Variants in CEP350 observed in about 807,000 individuals in gnomAD.
CEP350 encodes centrosomal protein 350, also known as centrosome-associated protein 350.
In CEP350, 126 loss-of-function variants were observed where a neutral mutation model predicts 331.8. That is an observed-to-expected ratio of 0.38 (90% CI 0.33 to 0.44). The LOEUF (loss-of-function observed/expected upper bound fraction) is 0.44. Among genes scored for constraint, CEP350 ranks in the 20% least tolerant of loss-of-function variants. The pLI is 1.00. For missense variants in CEP350, 3,406 were observed against 3,634.6 expected (o/e 0.94, Z 1.62); for synonymous variants, 1,200 against 1,259.5 (o/e 0.95, Z 1.00).
At chr1:179,989,891 A>T (rs149898978) in intron 3 of CEP350, among the ~76,000 whole-genome samples, 251 of 152,256 alleles carry the variant, frequency 1.6e-3, no homozygotes, top group African/African-American at 5.9e-3. Flanking sequence ...TATGTCACAT[A>T]TAAAGTCAGA....
At chr1:179,969,046 T>G in intron 1 of CEP350, 1 of 739,882 alleles carries the variant, frequency 1.4e-6, no homozygotes, top group South Asian at 1.3e-5. Context: ...CTGAAGCATC[T>G]TAGGTTAACC....
intron 1 of CEP350, among the ~76,000 whole-genome samples, chr1:179,960,627 G>T (rs1650536998): frequency 6.6e-6 from 1 of 152,000 alleles, no homozygotes; most frequent in Admixed American, 6.6e-5. Context: ...TAGGTTTTGG[G>T]AGTTTGCTGT....
intron 30 of CEP350, among the ~76,000 whole-genome samples, chr1:180,081,555 T>G (rs1465425172): frequency 3.3e-5 from 5 of 152,252 alleles, no homozygotes; most frequent in Admixed American, 2.0e-4. Flanking sequence ...CTCTGAGAAA[T>G]GTGTCATTAA....
At chr1:180,073,269 A>T (rs1659014277) in intron 27 of CEP350, among the ~76,000 whole-genome samples, 1 of 152,186 alleles carries the variant, frequency 6.6e-6, no homozygotes, top group Non-Finnish European at 1.5e-5. Flanking sequence ...TGAACAAGGT[A>T]TTTTTGTGTA....
Position 180,043,198 on chromosome 1 carries a change from TATTC to T in CEP350, c.4499+12_4499+15del, listed in dbSNP as rs766281350. The T allele has an allele frequency of 2.5e-6, 4 of 1,604,648 alleles. No individual in the cohort carries two copies. The highest frequency in any genetic ancestry group is 2.6e-6 in the Non-Finnish European group (3 of 1,176,362). On this transcript the variant is annotated splice_region_variant and intron_variant, in intron 20 of 37. Coordinates refer to ENST00000367607, the MANE Select transcript of CEP350 (RefSeq NM_014810.5). ...ACCAGAACTGAAACAGATAGGTTAATATTCATTCAGTCAGCAAATATATAATGAC... is the reference window on the plus strand; with the variant it reads ...ACCAGAACTGAAACAGATAGGTTAATATTCAGTCAGCAAATATATAATGAC...
chr1:180,034,133 TTCTC>T, intron 16 of CEP350, 51 bp downstream of exon 16: 1 of 1,547,190 alleles, frequency 6.5e-7, no homozygotes, highest in Non-Finnish European at 8.8e-7. Flanking sequence ...TGAAATTTTT[TTCTC>T]TCAACATTCC....
At chr1:180,042,920 A>G (rs1656862823) in intron 19 of CEP350, 136 bp from the exon 20 acceptor site, 6 of 846,680 alleles carry the variant, frequency 7.1e-6, no homozygotes, top group South Asian at 3.6e-5. Context: ...ACTTGTCCAC[A>G]GTATTTCATC....
At chr1:180,002,070 A>G (rs560259835) in intron 6 of CEP350, among the ~76,000 whole-genome samples, 1 of 152,360 alleles carries the variant, frequency 6.6e-6, no homozygotes, top group Non-Finnish European at 1.5e-5. Flanking sequence ...ATGAGATACT[A>G]CTTTATACCC....
chr1:180,048,419 T>G (rs1437626501), intron 21 of CEP350, 117 bp from the exon 22 acceptor site: 5 of 652,546 alleles, frequency 7.7e-6, no homozygotes, highest in African/African-American at 7.3e-5. Context: ...TATTACATCT[T>G]TCTTCATTTT....
At chr1:180,025,386 T>C (rs1655604177) in intron 14 of CEP350, among the ~76,000 whole-genome samples, 3 of 152,178 alleles carry the variant, frequency 2.0e-5, no homozygotes, top group Admixed American at 6.5e-5. Flanking sequence ...AATGTATACA[T>C]TCCGGTACCT....
At chr1:180,087,377 CTTATATATAGA>C in intron 31 of CEP350, 190 bp from the exon 32 acceptor site, 1 of 393,436 alleles carries the variant, frequency 2.5e-6, no homozygotes, top group East Asian at 4.7e-5. Flanking sequence ...ATATATCTTG[CTTATATATAGA>C]TTATTTTGAG....
chr1:180,030,617 A>G (rs1655966032), intron 14 of CEP350, among the ~76,000 whole-genome samples: 1 of 151,920 alleles, frequency 6.6e-6, no homozygotes, highest in Admixed American at 6.6e-5. Context: ...TCATCAGTAA[A>G]TTTGGGATAT....
At chr1:180,081,018 C>T (rs759641171) in intron 30 of CEP350, among the ~76,000 whole-genome samples, 5 of 151,310 alleles carry the variant, frequency 3.3e-5, no homozygotes, top group Non-Finnish European at 7.4e-5. Context: ...CGCCACCACG[C>T]CTGGCTAATT....
chr1:180,091,744 C>T (rs915596500), intron 33 of CEP350, among the ~76,000 whole-genome samples: 3 of 151,800 alleles, frequency 2.0e-5, no homozygotes, highest in Non-Finnish European at 4.4e-5. Context: ...GCAGGAAGAT[C>T]GCTTACACCC....
chr1:179,996,764 A>G lies in CEP350; in HGVS notation c.607A>G (p.Ile203Val), dbSNP rs2148714043. Residue 203 changes from isoleucine (I) to valine (V), a missense_variant, in exon 6 of 38, where the codon ATT becomes GTT. Physicochemically the swap from Ile to Val is conservative, Grantham distance 29 (BLOSUM62 3). Transcript: ENST00000367607. Reference protein sequence around the residue: ...VVRFLNDRPAIDALQNSECLI... With the variant: ...VVRFLNDRPAVDALQNSECLI... Reference sequence around the variant, plus strand: ...TAGGTTTTTAAATGATCGACCAGCAATTGATGCATTGCAAAATTCTGAATG... The same window carrying G: ...TAGGTTTTTAAATGATCGACCAGCAGTTGATGCATTGCAAAATTCTGAATG... 1.2e-6 allele frequency: 2 copies of G among 1,613,650 alleles called. No homozygotes were observed. The highest frequency in any genetic ancestry group is 4.5e-5 in the East Asian group (2 of 44,882).
chr1:179,971,418 G>A (rs1056703107), intron 1 of CEP350, among the ~76,000 whole-genome samples: 1 of 152,156 alleles, frequency 6.6e-6, no homozygotes, highest in African/African-American at 2.4e-5. Flanking sequence ...TGACGTTTAA[G>A]GCTCAAGTGA....
intron 36 of CEP350, among the ~76,000 whole-genome samples, chr1:180,097,621 GATATATA>G (rs978467249): frequency 2.0e-5 from 3 of 152,058 alleles, no homozygotes; most frequent in Non-Finnish European, 2.9e-5. Flanking sequence ...GGTAAGACAA[GATATATA>G]ATATATACCA....
In CEP350 at chr1:180,013,903, C is replaced by G; in HGVS notation, c.1450C>G (p.Leu484Val). 1 of 1,613,610 alleles carries G rather than the reference C, an allele frequency of 6.2e-7. No homozygotes were observed. Among genetic ancestry groups the G allele is most frequent in the Non-Finnish European group, 8.5e-7 (1 of 1,179,806 alleles). ...DPRLDVLHRH[L>V]QRNSERSRSK... Reference sequence around the variant, plus strand: ...CAGGTTGGACGTTTTACATAGACATCTTCAAAGAAACTCAGAACGTTCGAG... The same window carrying G: ...CAGGTTGGACGTTTTACATAGACATGTTCAAAGAAACTCAGAACGTTCGAG... The change falls in exon 10 of 38, where the codon CTT becomes GTT. Residue 484 changes from leucine to valine, a missense_variant. By Grantham distance (32) the Leu-to-Val change is conservative. Around this residue, in one of 5 missense-constraint regions of CEP350, gnomAD observed 1,857 missense variants for 1,909.2 expected, o/e 0.97. Coordinates refer to ENST00000367607, the MANE Select transcript of CEP350 (RefSeq NM_014810.5).
At chr1:180,041,632 ACTT>A (rs1273820264) in intron 18 of CEP350, 27 bp from the exon 19 acceptor site, 1 of 1,588,362 alleles carries the variant, frequency 6.3e-7, no homozygotes, top group East Asian at 2.2e-5. Flanking sequence ...TTAAAACATA[ACTT>A]CTTTTTTAAA....
Sources: allele counts gnomAD v4.1 joint callset (sites outside exome capture counted in the v4.1 genomes callset), GRCh38; gene constraint gnomAD v4.1.1; regional missense constraint gnomAD v4.1.1; transcripts MANE v1.5; gene names NCBI Gene and HGNC (gene_info 2026-07-23, HGNC 2026-07-21).